Variants in CACNB2 observed in about 807,000 individuals in gnomAD.
The protein encoded by CACNB2 is voltage-dependent L-type calcium channel subunit beta-2.
Under a neutral mutation model 73.3 loss-of-function variants are expected in CACNB2, and 42 were observed. That is an observed-to-expected ratio of 0.57 (90% CI 0.45 to 0.74). The LOEUF is 0.74. CACNB2 is among the 30% of genes least tolerant of loss of function. The pLI, the probability that CACNB2 is intolerant of heterozygous loss-of-function variation, is 0.00. For missense variants in CACNB2, 940 were observed against 853.0 expected, an observed-to-expected ratio of 1.10 and a Z score of -1.27; for synonymous variants, 348 against 310.3, an observed-to-expected ratio of 1.12 and a Z score of -1.28.
intron 2 of CACNB2, among the ~76,000 whole-genome samples, chr10:18,175,949 A>G (rs908180752): frequency 6.6e-6 from 1 of 152,186 alleles, no homozygotes; most frequent in African/African-American, 2.4e-5. Context: ...GTGGTGGTCA[A>G]TAGAAAGAAA....
chr10:18,496,182 T>TGAGA, intron 3 of CACNB2, among the ~76,000 whole-genome samples: 35 of 55,126 alleles, frequency 6.3e-4, no homozygotes, highest in African/African-American at 3.5e-3. Flanking sequence ...TGAGACTCAG[T>TGAGA]CTCAAAAAAA....
At chr10:18,459,108 C>T (rs866994513) in intron 3 of CACNB2, among the ~76,000 whole-genome samples, 2 of 152,102 alleles carry the variant, frequency 1.3e-5, no homozygotes, top group African/African-American at 2.4e-5. Context: ...ACTTCTGCTC[C>T]TGTTGATAGC....
At chr10:18,459,688 G>A (rs1259672180) in intron 3 of CACNB2, among the ~76,000 whole-genome samples, 2 of 152,170 alleles carry the variant, frequency 1.3e-5, no homozygotes, top group Admixed American at 1.3e-4. Flanking sequence ...TATTTGGGCA[G>A]TTCTTACTCT....
intron 2 of CACNB2, among the ~76,000 whole-genome samples, chr10:18,371,100 C>A (rs926962077): frequency 2.0e-5 from 3 of 152,052 alleles, no homozygotes; most frequent in Non-Finnish European, 4.4e-5. Context: ...TGTTTGAGTT[C>A]CACTGTATTA....
At chr10:18,311,651 GATC>G (rs1427959783) in intron 2 of CACNB2, among the ~76,000 whole-genome samples, 6 of 152,180 alleles carry the variant, frequency 3.9e-5, no homozygotes, top group Admixed American at 3.9e-4. Context: ...AGAAGAAGTA[GATC>G]ATCATAAAGT....
chr10:18,503,653 C>T (rs1434008031), intron 5 of CACNB2, among the ~76,000 whole-genome samples: 1 of 152,158 alleles, frequency 6.6e-6, no homozygotes, highest in Non-Finnish European at 1.5e-5. Context: ...GTAGACATTG[C>T]TCCTGTCAAC....
At chr10:18,349,772 C>A (rs2041628594) in intron 2 of CACNB2, among the ~76,000 whole-genome samples, 3 of 151,436 alleles carry the variant, frequency 2.0e-5, no homozygotes, top group Admixed American at 1.3e-4. Flanking sequence ...GATGGCTACC[C>A]AATAATGTGA....
intron 2 of CACNB2, among the ~76,000 whole-genome samples, chr10:18,159,442 C>A (rs1283196996): frequency 6.6e-6 from 1 of 152,172 alleles, no homozygotes; most frequent in Non-Finnish European, 1.5e-5. Flanking sequence ...AGGGATTTTG[C>A]TCACCAACAT....
chr10:18,241,958 C>G (rs544342414), intron 2 of CACNB2, among the ~76,000 whole-genome samples: 3 of 151,974 alleles, frequency 2.0e-5, no homozygotes, highest in Non-Finnish European at 2.9e-5. Context: ...ATTCAAATAA[C>G]AATAACTATT....
chr10:18,140,925 C>T, intron 1 of CACNB2, 69 bp downstream of exon 1: 3 of 1,544,102 alleles, frequency 1.9e-6, no homozygotes, highest in Non-Finnish European at 2.6e-6. Flanking sequence ...TCGGGTTCTC[C>T]CGGCGCCTCC....
rs950308490 is a variant in CACNB2, at chr10:18,400,855, C to T, written c.214-1069C>T. 4 of 1,489,296 alleles carry T rather than the reference C, an allele frequency of 2.7e-6. No individual in the cohort carries two copies. In the South Asian group the frequency reaches 5.3e-5, roughly 20 times the overall value. The allele number at this position is 1,489,296 out of a possible 1,614,324, so 92.3% of individuals were successfully genotyped here. A position where few individuals can be genotyped will look rare whatever the true frequency, so the allele number is the denominator to read the frequency against. ...CCTGGAATGGGAAAATAAGAATCTCCCTGGATGGGAGTCCTCTGGGGCAGG... is the reference window on the plus strand; with the variant it reads ...CCTGGAATGGGAAAATAAGAATCTCTCTGGATGGGAGTCCTCTGGGGCAGG... On this transcript the variant is annotated intron_variant, in intron 2 of 13. Transcript: ENST00000324631.
intron 3 of CACNB2, among the ~76,000 whole-genome samples, chr10:18,459,134 C>G (rs536354477): frequency 8.5e-5 from 13 of 152,226 alleles, no homozygotes; most frequent in African/African-American, 3.1e-4. Context: ...ATTGAAGATA[C>G]TATGAATTTT....
intron 3 of CACNB2, among the ~76,000 whole-genome samples, chr10:18,450,931 C>A (rs1472402241): frequency 6.6e-6 from 1 of 152,196 alleles, no homozygotes; most frequent in Non-Finnish European, 1.5e-5. Flanking sequence ...GCCACCACGC[C>A]CAGCCCCGTT....
chr10:18,516,164 G>A (rs1320846425), intron 7 of CACNB2, among the ~76,000 whole-genome samples: 2 of 151,966 alleles, frequency 1.3e-5, no homozygotes, highest in African/African-American at 4.8e-5. Flanking sequence ...GCAGTGAGCC[G>A]AGACCATGCC....
chr10:18,245,776 G>A (rs1367010106), intron 2 of CACNB2, among the ~76,000 whole-genome samples: 1 of 152,118 alleles, frequency 6.6e-6, no homozygotes, highest in Non-Finnish European at 1.5e-5. Context: ...GTATAGTCTA[G>A]TAATCAGAGA....
chr10:18,197,502 C>T (rs1211138550), intron 2 of CACNB2, among the ~76,000 whole-genome samples: 1 of 152,206 alleles, frequency 6.6e-6, no homozygotes, highest in Non-Finnish European at 1.5e-5. Flanking sequence ...ATTCTCCTGG[C>T]TCTGTCCTCC....
chr10:18,201,589 T>C lies in CACNB2; in HGVS notation c.213+50614T>C, dbSNP rs575032794. Among the ~76,000 whole-genome samples the C allele has an allele frequency of 2.0e-5, 3 of 152,334 alleles. No homozygotes were observed. The South Asian group carries it at 6.2e-4, about 32-fold the overall frequency. ...TATCATTTCTATGTGTTGTTTTTAA[T>C]TGACACATAATAATTTTACATATTT... On this transcript the variant is annotated intron_variant, in intron 2 of 13. Coordinates refer to ENST00000324631, the MANE Select transcript of CACNB2 (RefSeq NM_201596.3).
chr10:18,186,236 A>G (rs908372497), intron 2 of CACNB2, among the ~76,000 whole-genome samples: 14 of 152,066 alleles, frequency 9.2e-5, no homozygotes, highest in African/African-American at 3.1e-4. Flanking sequence ...CCTGACCAAC[A>G]TGGAGAAACC....
chr10:18,310,630 T>TAAA (rs760799280), intron 2 of CACNB2, among the ~76,000 whole-genome samples: 3 of 99,478 alleles, frequency 3.0e-5, no homozygotes, highest in Non-Finnish European at 6.3e-5. Flanking sequence ...AAAAAAAAAG[T>TAAA]AAAAAAAAAA....
Sources: allele counts gnomAD v4.1 joint callset (sites outside exome capture counted in the v4.1 genomes callset), GRCh38; gene constraint gnomAD v4.1.1; transcripts MANE v1.5; gene names NCBI Gene and HGNC (gene_info 2026-07-23, HGNC 2026-07-21).